The following WEE1 variants were observed in gnomAD, a reference collection of about 807,000 sequenced individuals.
The protein encoded by WEE1 is WEE1 G2 checkpoint kinase.
WEE1 carries 16 observed loss-of-function variants against 68.8 expected under a neutral mutation model. That is an observed-to-expected ratio of 0.23 (90% CI 0.16 to 0.35). The LOEUF (loss-of-function observed/expected upper bound fraction) is 0.35, where lower values mean the gene tolerates loss of function less well. WEE1 is among the 10% of genes least tolerant of loss of function. The pLI, the probability that WEE1 is intolerant of heterozygous loss-of-function variation, is 1.00. For missense variants in WEE1, 651 were observed against 824.1 expected (o/e 0.79, Z 2.57); for synonymous variants, 349 against 318.7 (o/e 1.09, Z -1.01).
At position 9,575,966 on chromosome 11, in the gene WEE1, A is replaced by C. The variant is rs772824743; in HGVS notation, c.655A>C (p.Lys219Gln). 8 of 1,614,074 alleles carry C rather than the reference A, an allele frequency of 5.0e-6. No individual in the cohort carries two copies. Among genetic ancestry groups the C allele is most frequent in the Non-Finnish European group, 5.1e-6 (6 of 1,180,040 alleles). Residue 219 changes from lysine to glutamine, a missense_variant, in exon 2 of 11, where the codon AAA becomes CAA. Physicochemically the swap from Lys to Gln is moderately conservative, Grantham distance 53 (BLOSUM62 1). Transcript: ENST00000450114. ...TAGTTCTCTCTTCATGGATACAGAAAAATCAGGAAAAAGGGAATTTGATGT... is the reference window on the plus strand; with the variant it reads ...TAGTTCTCTCTTCATGGATACAGAACAATCAGGAAAAAGGGAATTTGATGT... ...RGSSLFMDTE[K>Q]SGKREFDVRQ...
At chr11:9,581,242 CAA>C in intron 5 of WEE1, 1 of 259,676 alleles carries the variant, frequency 3.9e-6, no homozygotes. Flanking sequence ...CAAAAACAAA[CAA>C]AAAAAAAGCC....
Position 9,574,561 on chromosome 11 carries a change from G to A in WEE1, c.576+52G>A. Reference sequence around the variant, plus strand: ...GCGGCCGGGGCCGCGGCGCCGGAGGGGCCAGCGCCGCTGCCTGGGTTCGGT... The same window carrying A: ...GCGGCCGGGGCCGCGGCGCCGGAGGAGCCAGCGCCGCTGCCTGGGTTCGGT... On this transcript the variant is annotated intron_variant, in intron 1 of 10. Transcript: ENST00000450114. The surrounding 1 kb of genome is among the most constrained non-coding windows in gnomAD (Gnocchi z 4.9). 1 of 1,167,276 alleles carries A rather than the reference G, an allele frequency of 8.6e-7. No individual in the cohort carries two copies. Among genetic ancestry groups the A allele is most frequent in the South Asian group, 4.0e-5 (1 of 24,806 alleles). The allele number at this position is 1,167,276 out of a possible 1,614,324, so 72.3% of individuals were successfully genotyped here.
rs1849741561 is a variant in WEE1 at position 9,589,720 on chromosome 11, T to C, written c.*1118T>C. The C allele has an allele frequency of 1.0e-6, 1 of 985,540 alleles. No individual in the cohort carries two copies. The highest frequency in any genetic ancestry group is 4.7e-5 in the South Asian group (1 of 21,292). 61.0% of individuals were successfully genotyped at this position (985,540 alleles called of 1,614,324 possible). ...GTCTTTGACTTGTGTTTTATTAACA[T>C]TGATTGGCATATTAAAAGTCACTCT... On this transcript the variant is annotated 3_prime_UTR_variant, in exon 11 of 11. Coordinates refer to ENST00000450114, the MANE Select transcript of WEE1 (RefSeq NM_003390.4).
intron 4 of WEE1, 81 bp from the exon 5 acceptor site, chr11:9,577,061 T>C (rs1282645785): frequency 6.8e-7 from 1 of 1,464,962 alleles, no homozygotes; most frequent in Non-Finnish European, 9.2e-7. Flanking sequence ...AAATTTATTG[T>C]ATGAAGTTTC....
chr11:9,583,848 C>CTT (rs1189544274), intron 6 of WEE1, among the ~76,000 whole-genome samples: 1 of 45,036 alleles, frequency 2.2e-5, no homozygotes, highest in Non-Finnish European at 4.1e-5. Flanking sequence ...TATATATATA[C>CTT]TTTTTTTTTT....
intron 6 of WEE1, among the ~76,000 whole-genome samples, chr11:9,584,302 T>C (rs1359265479): frequency 6.6e-6 from 1 of 152,012 alleles, no homozygotes; most frequent in East Asian, 1.9e-4. Flanking sequence ...TTCCCAGCTA[T>C]TTTAATTTTT....
chr11:9,573,921 C>G lies in WEE1; in HGVS notation c.-13C>G. 3.2e-6 allele frequency: 4 copies of G among 1,262,086 alleles called. No individual in the cohort carries two copies. The highest frequency in any genetic ancestry group is 4.0e-6 in the Non-Finnish European group (4 of 1,004,948). The allele number at this position is 1,262,086 out of a possible 1,614,324, so 78.2% of individuals were successfully genotyped here. A position where few individuals can be genotyped will look rare whatever the true frequency, so the allele number is the denominator to read the frequency against. On this transcript the variant is annotated 5_prime_UTR_variant, in exon 1 of 11. Coordinates refer to ENST00000450114, the MANE Select transcript of WEE1 (RefSeq NM_003390.4). The stretch of plus-strand genomic sequence containing the variant: ...TCCGCTCTCCTGTCCTCGGCCCCGT[C>G]CCCAGGGCCGCGATGAGCTTCCTGA...
chr11:9,577,073 G>A (rs1849572534), intron 4 of WEE1, 69 bp from the exon 5 acceptor site: 2 of 1,497,626 alleles, frequency 1.3e-6, no homozygotes, highest in Non-Finnish European at 1.8e-6. Context: ...TGAAGTTTCA[G>A]ATAAATTAAT....
At chr11:9,583,800 C>CACATAT (rs1374330977) in intron 6 of WEE1, among the ~76,000 whole-genome samples, 1 of 18,168 alleles carries the variant, frequency 5.5e-5, no homozygotes, top group African/African-American at 2.3e-4. Flanking sequence ...CACACACACA[C>CACATAT]ACATATATAT....
In WEE1 at chr11:9,573,867, G is replaced by C; in HGVS notation, c.-67G>C. The C allele has an allele frequency of 1.7e-6, 2 of 1,185,336 alleles. No homozygotes were observed. The highest frequency in any genetic ancestry group is 2.1e-6 in the Non-Finnish European group (2 of 954,216). 73.4% of individuals were successfully genotyped at this position (1,185,336 alleles called of 1,614,324 possible). A position where few individuals can be genotyped will look rare whatever the true frequency, so the allele number is the denominator to read the frequency against. Reference sequence around the variant, plus strand: ...GCCGCACGTGGCGGACCCGCCCCCAGGCCCGCAGTGTCCTGGACCCCGCAG... The same window carrying C: ...GCCGCACGTGGCGGACCCGCCCCCACGCCCGCAGTGTCCTGGACCCCGCAG... On this transcript the variant is annotated 5_prime_UTR_variant, in exon 1 of 11. Coordinates refer to ENST00000450114, the MANE Select transcript of WEE1 (RefSeq NM_003390.4).
In WEE1 at chr11:9,581,617, AGTT is replaced by A; in HGVS notation, c.1229_1231del (p.Val410del). 1 of 1,613,464 alleles carries A rather than the reference AGTT, an allele frequency of 6.2e-7. No individual in the cohort carries two copies. The highest frequency in any genetic ancestry group is 8.5e-7 in the Non-Finnish European group (1 of 1,179,904). ...CAGAGTTGAAGGATCTCCTTTTGCA[AGTT>A]GGCCGAGGCTTGAGGTATATTCATT... On this transcript the variant is annotated inframe_deletion, in exon 6 of 11. Coordinates refer to ENST00000450114, the MANE Select transcript of WEE1 (RefSeq NM_003390.4).
intron 6 of WEE1, among the ~76,000 whole-genome samples, chr11:9,583,757 GCGCGCACACACACACACACACA>G (rs1326713172): frequency 2.6e-4 from 3 of 11,560 alleles, no homozygotes; most frequent in African/African-American, 7.3e-4. Flanking sequence ...GCGTGCACGC[GCGCGCACACACACACACACACA>G]CACACACACA....
chr11:9,575,522 G>A, intron 1 of WEE1: 1 of 520,150 alleles, frequency 1.9e-6, no homozygotes, highest in Non-Finnish European at 2.7e-6. Context: ...GGCTATGGAA[G>A]CCCTATCTAG....
In WEE1 at chr11:9,575,991, T is replaced by A. The variant is rs759191432; in HGVS notation, c.680T>A (p.Val227Glu). Residue 227 changes from valine (V) to glutamate (E), a missense_variant, in exon 2 of 11, where the codon GTG becomes GAG. Val to Glu is a moderately radical substitution (Grantham distance 121, BLOSUM62 -2). Coordinates refer to ENST00000450114, the MANE Select transcript of WEE1 (RefSeq NM_003390.4). ...AAATCAGGAAAAAGGGAATTTGATGTGCGACAGACTCCTCAAGTGAATATT... is the reference window on the plus strand; with the variant it reads ...AAATCAGGAAAAAGGGAATTTGATGAGCGACAGACTCCTCAAGTGAATATT... ...TEKSGKREFD[V>E]RQTPQVNINP... 6.2e-7 allele frequency: 1 copy of A among 1,614,154 alleles called. No homozygotes were observed. Among genetic ancestry groups the A allele is most frequent in the East Asian group, 2.2e-5 (1 of 44,880 alleles).
rs555924007 is a variant in WEE1, at chr11:9,576,917, C to A, written c.1020-225C>A. ...ACAGTAAAATGGAGTTTATTCTTAC[C>A]TGAGTCCTAGGGCAAGCAACATTTC... On this transcript the variant is annotated intron_variant, in intron 4 of 10. Coordinates refer to ENST00000450114, the MANE Select transcript of WEE1 (RefSeq NM_003390.4). This position sits in a 1 kb window ranked among gnomAD's most constrained non-coding sequence, Gnocchi z 4.3. 6.6e-6 allele frequency among the ~76,000 whole-genome samples: 1 copy of A among 152,296 alleles called. No individual in the cohort carries two copies. The highest frequency in any genetic ancestry group is 2.4e-5 in the African/African-American group (1 of 41,568).
In WEE1 at chr11:9,576,600, G is replaced by C; in HGVS notation, c.960G>C (p.Leu320=). Residue 320 remains leucine (L), a synonymous_variant, in exon 4 of 11, where the codon CTG becomes CTC. Transcript: ENST00000450114. This position sits in a 1 kb window ranked among gnomAD's most constrained non-coding sequence, Gnocchi z 4.3. Reference sequence around the variant, plus strand: ...CTGTATTTAAGTGTGTGAAGAGGCTGGATGGATGCATTTATGCCATTAAGC... The same window carrying C: ...CTGTATTTAAGTGTGTGAAGAGGCTCGATGGATGCATTTATGCCATTAAGC... ...FGSVFKCVKR[L]DGCIYAIKRS... is the part of the protein sequence containing the mutation. 1.2e-6 allele frequency: 2 copies of C among 1,613,964 alleles called. No homozygotes were observed. Among genetic ancestry groups the C allele is most frequent in the Non-Finnish European group, 1.7e-6 (2 of 1,179,920 alleles).
Position 9,574,604 on chromosome 11 carries a change from G to C in WEE1, c.576+95G>C. 8.9e-7 allele frequency: 1 copy of C among 1,123,204 alleles called. No homozygotes were observed. 69.6% of individuals were successfully genotyped at this position (1,123,204 alleles called of 1,614,324 possible). A position where few individuals can be genotyped will look rare whatever the true frequency, so the allele number is the denominator to read the frequency against. ...GGTTCGGTTACAGAAGCGGCCGGCC[G>C]CTCCCCCCTCGCTTTCCTGCGCCGC... On this transcript the variant is annotated intron_variant, in intron 1 of 10. Coordinates refer to ENST00000450114, the MANE Select transcript of WEE1 (RefSeq NM_003390.4). The surrounding 1 kb of genome is among the most constrained non-coding windows in gnomAD (Gnocchi z 4.9).
At position 9,589,192 on chromosome 11, in the gene WEE1, C is replaced by G; in HGVS notation, c.*590C>G. ...TTTGCTGTAAACTTGTAGCATTAAA[C>G]AATCATTGTTGTTAATAGGTCTTCT... On this transcript the variant is annotated 3_prime_UTR_variant, in exon 11 of 11. Transcript: ENST00000450114. 2.0e-6 allele frequency: 2 copies of G among 985,602 alleles called. No homozygotes were observed. The highest frequency in any genetic ancestry group is 4.7e-5 in the South Asian group (1 of 21,290). The allele number at this position is 985,602 out of a possible 1,614,324, so 61.1% of individuals were successfully genotyped here. A position where few individuals can be genotyped will look rare whatever the true frequency, so the allele number is the denominator to read the frequency against.
chr11:9,583,926 A>G (rs1257642905), intron 6 of WEE1, among the ~76,000 whole-genome samples: 2 of 142,118 alleles, frequency 1.4e-5, no homozygotes, highest in Non-Finnish European at 1.5e-5. Context: ...GCTCACTGCA[A>G]CCTCTGCCTC....
Sources: allele counts gnomAD v4.1 joint callset (sites outside exome capture counted in the v4.1 genomes callset), GRCh38; gene constraint gnomAD v4.1.1; non-coding constraint Gnocchi (gnomAD v3.1); transcripts MANE v1.5; gene names NCBI Gene and HGNC (gene_info 2026-07-23, HGNC 2026-07-21).